Variants in B3GALT1 observed in about 807,000 individuals in gnomAD.
B3GALT1 encodes UDP-Gal:betaGlcNAc beta 1,3-galactosyltransferase, polypeptide 1.
In B3GALT1, 10 loss-of-function variants were observed where a neutral mutation model predicts 23.2. The ratio of observed to expected loss-of-function variants is 0.43; its 90% confidence interval spans 0.27 to 0.73. B3GALT1 has a LOEUF of 0.73. Among genes scored for constraint, B3GALT1 ranks in the 30% least tolerant of loss-of-function variants. B3GALT1 has a pLI of 0.21. For synonymous variants in B3GALT1, 156 were observed against 141.5 expected (o/e 1.10, Z -0.73); for missense variants, 299 against 405.4 (o/e 0.74, Z 2.25).
chr2:167,593,177 A>G (rs1037104136), intron 2 of B3GALT1, among the ~76,000 whole-genome samples: 1 of 152,234 alleles, frequency 6.6e-6, no homozygotes, highest in African/African-American at 2.4e-5. Context: ...TTTAGCATTC[A>G]TCATAATAGA....
chr2:167,666,067 G>T (rs1366686805), intron 3 of B3GALT1, among the ~76,000 whole-genome samples: 1 of 151,382 alleles, frequency 6.6e-6, no homozygotes, highest in Non-Finnish European at 1.5e-5. Flanking sequence ...GATATTTCCT[G>T]CTTTCTCTTG....
Position 167,803,081 on chromosome 2 carries a change from A to AACACACACACACACAC in B3GALT1, c.-351-15566_-351-15551dup, listed in dbSNP as rs71940853. 7.7e-4 allele frequency among the ~76,000 whole-genome samples: 109 copies of AACACACACACACACAC among 141,474 alleles called. 1 individual carries two copies. The highest frequency in any genetic ancestry group is 3.5e-3 in the Middle Eastern group (1 of 282). The allele number at this position is 141,474 out of a possible 152,430, so 92.8% of individuals were successfully genotyped here. ...TGACAATGTTCATTTGACCCTAACA[A>AACACACACACACACAC]ACACACACACACACACACACACACA... On this transcript the variant is annotated intron_variant, in intron 3 of 4. Transcript: ENST00000392690.
chr2:167,728,006 G>A (rs539326216), intron 3 of B3GALT1, among the ~76,000 whole-genome samples: 1 of 152,274 alleles, frequency 6.6e-6, no homozygotes, highest in South Asian at 2.1e-4. Context: ...ATCTAGTCCT[G>A]GAGATTTGGC....
chr2:167,578,733 G>A (rs1684427684), intron 2 of B3GALT1, among the ~76,000 whole-genome samples: 1 of 151,984 alleles, frequency 6.6e-6, no homozygotes, highest in Non-Finnish European at 1.5e-5. Context: ...GTGTGGGAAT[G>A]TAGTTAAGCT....
At chr2:167,313,139 C>G (rs554901100) in intron 1 of B3GALT1, among the ~76,000 whole-genome samples, 1 of 152,204 alleles carries the variant, frequency 6.6e-6, no homozygotes, top group East Asian at 1.9e-4. Flanking sequence ...TTGGATTAAA[C>G]AAGTCATGAT....
chr2:167,695,649 T>C (rs1394040375), intron 3 of B3GALT1, among the ~76,000 whole-genome samples: 1 of 152,194 alleles, frequency 6.6e-6, no homozygotes, highest in Non-Finnish European at 1.5e-5. Flanking sequence ...CTTTTAACCT[T>C]TGTGATCCCA....
At chr2:167,689,696 G>A (rs1278447250) in intron 3 of B3GALT1, among the ~76,000 whole-genome samples, 7 of 152,060 alleles carry the variant, frequency 4.6e-5, no homozygotes, top group Non-Finnish European at 8.8e-5. Flanking sequence ...TCAAAGCAGC[G>A]AGACAGGCAT....
At chr2:167,305,300 A>G (rs1023865215) in intron 1 of B3GALT1, among the ~76,000 whole-genome samples, 7 of 152,172 alleles carry the variant, frequency 4.6e-5, no homozygotes, top group Non-Finnish European at 1.0e-4. Flanking sequence ...AGGACTGTCA[A>G]AGTTTACAAG....
chr2:167,346,135 A>G (rs1451174426), intron 1 of B3GALT1, among the ~76,000 whole-genome samples: 1 of 151,526 alleles, frequency 6.6e-6, no homozygotes, highest in Admixed American at 6.6e-5. Context: ...TTTTCCTAGC[A>G]GTTTCAGTAC....
intron 1 of B3GALT1, among the ~76,000 whole-genome samples, chr2:167,348,923 T>C (rs577410138): frequency 6.6e-6 from 1 of 152,330 alleles, no homozygotes; most frequent in Admixed American, 6.5e-5. Context: ...AAATGGGATC[T>C]GGGCTTGATT....
chr2:167,452,422 C>G (rs2105320765), intron 1 of B3GALT1, among the ~76,000 whole-genome samples: 1 of 152,286 alleles, frequency 6.6e-6, no homozygotes. Context: ...AAATTTGTCT[C>G]AGCTCCAGGT....
intron 4 of B3GALT1, among the ~76,000 whole-genome samples, chr2:167,828,695 T>G (rs766595851): frequency 5.3e-5 from 8 of 152,228 alleles, no homozygotes; most frequent in Non-Finnish European, 7.3e-5. Context: ...GAGTGCTTAC[T>G]CTATGCTAAG....
chr2:167,578,448 C>T (rs1194913545), intron 2 of B3GALT1, among the ~76,000 whole-genome samples: 2 of 151,562 alleles, frequency 1.3e-5, no homozygotes, highest in Non-Finnish European at 2.9e-5. Context: ...CTGCTAGAAT[C>T]ATGACTAAAT....
At position 167,662,943 on chromosome 2, in the gene B3GALT1, T is replaced by C. The variant is rs201873219; in HGVS notation, c.-352+15977T>C. Among the ~76,000 whole-genome samples the C allele has an allele frequency of 1.6e-4, 25 of 152,188 alleles. No individual in the cohort carries two copies. In the East Asian group the frequency reaches 4.6e-3, roughly 28 times the overall value. ...TGCATTAATGTCACTTTCTTTTTTT[T>C]TATTGTATTTTCTTTTTTTATTCTT... is the stretch of plus-strand genomic sequence containing the variant. On this transcript the variant is annotated intron_variant, in intron 3 of 4. Transcript: ENST00000392690.
intron 2 of B3GALT1, among the ~76,000 whole-genome samples, chr2:167,536,582 A>G (rs552677198): frequency 6.6e-6 from 1 of 152,316 alleles, no homozygotes; most frequent in East Asian, 1.9e-4. Flanking sequence ...CCTGCTCTCC[A>G]TTCTCTATCC....
At chr2:167,552,641 G>A (rs1047631836) in intron 2 of B3GALT1, among the ~76,000 whole-genome samples, 1 of 152,084 alleles carries the variant, frequency 6.6e-6, no homozygotes, top group Non-Finnish European at 1.5e-5. Flanking sequence ...AGAGTAAATA[G>A]TCTAACTGTA....
chr2:167,746,588 T>TG (rs1687655936), intron 3 of B3GALT1, among the ~76,000 whole-genome samples: 1 of 152,240 alleles, frequency 6.6e-6, no homozygotes, highest in African/African-American at 2.4e-5. Context: ...TTCAGAAATA[T>TG]GTGACAATGG....
chr2:167,487,595 A>C (rs1277663906), intron 1 of B3GALT1, among the ~76,000 whole-genome samples: 1 of 152,044 alleles, frequency 6.6e-6, no homozygotes, highest in Non-Finnish European at 1.5e-5. Context: ...CATTTTGGAG[A>C]GATTTTGAAC....
chr2:167,756,219 C>A (rs75148490), intron 3 of B3GALT1, among the ~76,000 whole-genome samples: 14,751 of 151,778 alleles, frequency 0.097, 964 homozygotes, highest in Middle Eastern at 0.19. Context: ...TTCTAATTCT[C>A]TACTTCCAAC....
Sources: gnomAD v4.1 joint callset for allele counts (sites outside exome capture counted in the v4.1 genomes callset) on GRCh38, gnomAD v4.1.1 for gene constraint, MANE v1.5 for transcripts, NCBI Gene and HGNC (gene_info 2026-07-23, HGNC 2026-07-21) for gene names.